Variants in MED16 observed in about 807,000 individuals in gnomAD.
MED16 encodes mediator complex subunit 16.
MED16 carries 81 observed loss-of-function variants against 84.4 expected under a neutral mutation model. That is an observed-to-expected ratio of 0.96 (90% CI 0.80 to 1.15). The LOEUF is 1.15. Ranked by LOEUF, MED16 falls within the 50% of genes most tolerant of loss-of-function variation. The pLI is 0.00. For missense variants in MED16, 1,585 were observed against 1,245.9 expected (o/e 1.27, Z -4.10); for synonymous variants, 897 against 552.2 (o/e 1.62, Z -8.76).
chr19:876,929 A>AGGGCCCCCACCTGCCAC (rs1568324684), intron 9 of MED16, 45 bp downstream of exon 9: 11 of 1,230,906 alleles, frequency 8.9e-6, no homozygotes, highest in Non-Finnish European at 1.2e-5. Flanking sequence ...CACCTGCCAC[A>AGGGCCCCCACCTGCCAC]GGGCCCCCAC....
intron 4 of MED16, among the ~76,000 whole-genome samples, chr19:887,201 C>T (rs2036544550): frequency 6.6e-6 from 1 of 152,054 alleles, no homozygotes; most frequent in South Asian, 2.1e-4. Context: ...AAAAACACTT[C>T]TTATAGCAAG....
chr19:891,078 G>GACCT lies in MED16; in HGVS notation c.53_54insAGGT (p.Cys19GlyfsTer3). 1 of 1,614,100 alleles carries GACCT rather than the reference G, an allele frequency of 6.2e-7. No homozygotes were observed. Among genetic ancestry groups the GACCT allele is most frequent in the Non-Finnish European group, 8.5e-7 (1 of 1,180,010 alleles). Reference sequence around the variant, plus strand: ...TCTTGGACCATTTCTCCCACTCACAGACGTAGGCCAAGTCCATCATCCCAC... The same window carrying GACCT: ...TCTTGGACCATTTCTCCCACTCACAGACCTACGTAGGCCAAGTCCATCATCCCAC... On this transcript the variant is annotated frameshift_variant, in exon 2 of 16. Coordinates refer to ENST00000325464, the MANE Select transcript of MED16 (RefSeq NM_005481.3). LOFTEE classifies it high-confidence loss of function.
At chr19:887,334 T>C (rs892372470) in intron 4 of MED16, among the ~76,000 whole-genome samples, 76 of 152,234 alleles carry the variant, frequency 5.0e-4, no homozygotes, top group African/African-American at 1.8e-3. Context: ...TCTGAGACTA[T>C]GTTAAAGGAG....
chr19:884,443 C>T (rs1174236815), intron 6 of MED16, among the ~76,000 whole-genome samples: 1 of 152,064 alleles, frequency 6.6e-6, no homozygotes, highest in Non-Finnish European at 1.5e-5. Flanking sequence ...GGCGTGTTCT[C>T]AGCAGCCTCA....
At chr19:887,154 C>T (rs563266348) in intron 4 of MED16, among the ~76,000 whole-genome samples, 81 of 151,758 alleles carry the variant, frequency 5.3e-4, no homozygotes, top group Admixed American at 5.3e-3. Flanking sequence ...GTGTATCATA[C>T]GTATCGTACG....
intron 10 of MED16, 65 bp from the exon 11 acceptor site, chr19:873,647 C>A (rs1170617110): frequency 2.8e-5 from 45 of 1,586,156 alleles, no homozygotes; most frequent in Non-Finnish European, 3.8e-5. Context: ...CTAACTGCAC[C>A]CCTCGGTCCT....
At chr19:875,722 T>C (rs1033524164) in intron 9 of MED16, among the ~76,000 whole-genome samples, 3 of 152,110 alleles carry the variant, frequency 2.0e-5, no homozygotes, top group Non-Finnish European at 2.9e-5. Context: ...TTGTCACCAC[T>C]GGGGGTGCCC....
chr19:889,357 C>T (rs2036587758), intron 4 of MED16, among the ~76,000 whole-genome samples: 1 of 146,862 alleles, frequency 6.8e-6, no homozygotes, highest in African/African-American at 2.8e-5. Flanking sequence ...AAAGAGATAA[C>T]TCACTAAGAA....
chr19:881,809 C>T, intron 6 of MED16, 95 bp from the exon 7 acceptor site: 1 of 1,445,998 alleles, frequency 6.9e-7, no homozygotes, highest in Non-Finnish European at 9.5e-7. Flanking sequence ...TGCAACCTGC[C>T]CAGGGCCCTT....
chr19:873,738 C>T (rs1282485906), intron 10 of MED16, among the ~76,000 whole-genome samples, 156 bp from the exon 11 acceptor site: 1 of 152,042 alleles, frequency 6.6e-6, no homozygotes, highest in African/African-American at 2.4e-5. Context: ...ATGGCGTTGC[C>T]GGACGGAGAG....
rs764264522 is a variant in MED16, at chr19:877,169, G to A, written c.1365C>T (p.Leu455=). 5.0e-6 allele frequency: 8 copies of A among 1,609,452 alleles called. No homozygotes were observed. Among genetic ancestry groups the A allele is most frequent in the African/African-American group, 1.3e-5 (1 of 75,026 alleles). ...GGTGGCCCATGGAAGGTGAGAGGCG[G>A]AGCACGCTCAGCTGCCAGAGACAGA... ...GIDSHGKLSV[L]RLSPSMGHPL... Residue 455 remains leucine, a synonymous_variant, in exon 9 of 16, where the codon CTC becomes CTT. Transcript: ENST00000325464.
intron 9 of MED16, among the ~76,000 whole-genome samples, chr19:876,254 C>T (rs931764927): frequency 1.3e-5 from 2 of 152,134 alleles, no homozygotes; most frequent in Admixed American, 6.5e-5. Flanking sequence ...ATCTGAGGTC[C>T]TTCGAGGACA....
chr19:889,563 G>A (rs1475057019), intron 4 of MED16, 75 bp downstream of exon 4: 5 of 1,526,178 alleles, frequency 3.3e-6, no homozygotes, highest in Non-Finnish European at 3.5e-6. Flanking sequence ...GTGATGGAGA[G>A]GAGAGGGGCT....
At chr19:876,905 TGCCAC>T in intron 9 of MED16, 64 bp downstream of exon 9, 5 of 1,488,122 alleles carry the variant, frequency 3.4e-6, no homozygotes, top group African/African-American at 2.8e-5. Context: ...GGGCCCCACC[TGCCAC>T]GGGGCCCCCA....
Position 875,317 on chromosome 19 carries a change from G to A in MED16, c.1698C>T (p.Pro566=). Residue 566 remains proline (P), a synonymous_variant, in exon 10 of 16, where the codon CCC becomes CCT. Coordinates refer to ENST00000325464, the MANE Select transcript of MED16 (RefSeq NM_005481.3). ...TCTTGTCAGGCGTGTTGAGAAAGTG[G>A]GGGCGCAGCAGCGACTTCAGGGTGG... is the stretch of plus-strand genomic sequence containing the variant. ...ISSTLKSLLR[P]HFLNTPDKSP... The A allele has an allele frequency of 6.2e-7, 1 of 1,611,016 alleles. No individual in the cohort carries two copies. The highest frequency in any genetic ancestry group is 8.5e-7 in the Non-Finnish European group (1 of 1,179,848).
At chr19:870,063 C>A (rs904891120) in intron 13 of MED16, among the ~76,000 whole-genome samples, 1 of 152,106 alleles carries the variant, frequency 6.6e-6, no homozygotes, top group African/African-American at 2.4e-5. Flanking sequence ...AAGGCCAGCC[C>A]CGGGCCCTGC....
intron 11 of MED16, 138 bp downstream of exon 11, chr19:873,303 AAGTAGGGG>A: frequency 1.7e-6 from 1 of 604,554 alleles, no homozygotes. Context: ...GCGGGACTCC[AAGTAGGGG>A]CGGGACTCCA....
At position 868,772 on chromosome 19, in the gene MED16, G is replaced by A. The variant is rs1414394684; in HGVS notation, c.2399+91C>T. 11 of 1,367,158 alleles carry A rather than the reference G, an allele frequency of 8.0e-6. No homozygotes were observed. The Admixed American group carries it at 2.5e-4, about 31-fold the overall frequency. The allele number at this position is 1,367,158 out of a possible 1,614,324, so 84.7% of individuals were successfully genotyped here. A position where few individuals can be genotyped will look rare whatever the true frequency, so the allele number is the denominator to read the frequency against. On this transcript the variant is annotated intron_variant, in intron 14 of 15. Coordinates refer to ENST00000325464, the MANE Select transcript of MED16 (RefSeq NM_005481.3). Reference sequence around the variant, plus strand: ...GGGACGTGCTCCCTCCACCACCCTTGACCGTCTGGAGCGCTGGGTGGGGGC... The same window carrying A: ...GGGACGTGCTCCCTCCACCACCCTTAACCGTCTGGAGCGCTGGGTGGGGGC...
At position 871,974 on chromosome 19, in the gene MED16, C is replaced by G. The variant is rs2036082204; in HGVS notation, c.2050G>C (p.Asp684His). 2 of 1,602,944 alleles carry G rather than the reference C, an allele frequency of 1.2e-6. No homozygotes were observed. Among genetic ancestry groups the G allele is most frequent in the African/African-American group, 2.8e-5 (2 of 72,500 alleles). ...AGGCGGAAGAGCAGGGACATGCTGTCCTGGGTATCCGAGGTGGCCGTATAC... is the reference window on the plus strand; with the variant it reads ...AGGCGGAAGAGCAGGGACATGCTGTGCTGGGTATCCGAGGTGGCCGTATAC... ...PVYTATSDTQ[D>H]SMSLLFRLLT... Residue 684 changes from aspartate to histidine, a missense_variant, in exon 12 of 16, where the codon GAC (aspartate) becomes CAC (histidine). Transcript: ENST00000325464.
Sources: allele counts gnomAD v4.1 joint callset (sites outside exome capture counted in the v4.1 genomes callset), GRCh38; gene constraint gnomAD v4.1.1; transcripts MANE v1.5; gene names NCBI Gene and HGNC (gene_info 2026-07-23, HGNC 2026-07-21).